The following COL21A1 variants were observed in gnomAD, a reference collection of about 807,000 sequenced individuals.
COL21A1 encodes collagen type XXI alpha 1 chain, also known as collagen alpha-1(XXI) chain.
A neutral mutation model predicts 137.9 loss-of-function variants in COL21A1; 149 were observed. The observed-to-expected ratio is 1.08, with a 90% CI of 0.95 to 1.24. The LOEUF is 1.24. Ranked by LOEUF, COL21A1 falls within the 50% of genes most tolerant of loss-of-function variation. COL21A1 has a pLI of 0.00. For synonymous variants in COL21A1, 456 were observed against 391.5 expected (o/e 1.16, Z -1.95); for missense variants, 1,167 against 1,158.4 (o/e 1.01, Z -0.11).
At chr6:56,251,205 C>G (rs1443980972), upstream of COL21A1, among the ~76,000 whole-genome samples, 1 of 152,192 alleles carries the variant, frequency 6.6e-6, no homozygotes, top group East Asian at 1.9e-4. Context: ...CTCCTCAATT[C>G]CCTGCTAAGG....
At chr6:56,095,827 T>C (rs896999379) in intron 17 of COL21A1, among the ~76,000 whole-genome samples, 1 of 152,176 alleles carries the variant, frequency 6.6e-6, no homozygotes, top group African/African-American at 2.4e-5. Flanking sequence ...ATGTGAATTA[T>C]ATCTCATAAT....
intron 7 of COL21A1, among the ~76,000 whole-genome samples, 161 bp from the exon 8 acceptor site, chr6:56,164,983 T>A (rs748535132): frequency 1.3e-5 from 2 of 152,204 alleles, no homozygotes; most frequent in South Asian, 4.1e-4. Context: ...AAAAGTCACC[T>A]ATCTATACAT....
chr6:56,223,874 A>T (rs1039259221), intron 1 of COL21A1, among the ~76,000 whole-genome samples: 5 of 151,978 alleles, frequency 3.3e-5, no homozygotes, highest in African/African-American at 1.2e-4. Context: ...TATTTTTTTA[A>T]ACTGTAAAGT....
At chr6:56,204,929 A>C (rs1222302527) in intron 1 of COL21A1, among the ~76,000 whole-genome samples, 2 of 152,222 alleles carry the variant, frequency 1.3e-5, no homozygotes, top group Non-Finnish European at 2.9e-5. Context: ...AATGGAAAGG[A>C]ATAGTATCAA....
At chr6:56,214,360 GA>G (rs1780356973) in intron 1 of COL21A1, among the ~76,000 whole-genome samples, 2 of 152,092 alleles carry the variant, frequency 1.3e-5, no homozygotes, top group African/African-American at 4.8e-5. Context: ...CTAAATATGT[GA>G]AAAGCATCTC....
intron 1 of COL21A1, among the ~76,000 whole-genome samples, chr6:56,375,965 G>A (rs1012427315): frequency 4.6e-5 from 7 of 152,184 alleles, no homozygotes; most frequent in Admixed American, 2.0e-4. Context: ...CATGTTGGAA[G>A]TAAATAAAAC....
chr6:56,107,248 C>T (rs1771022464), intron 16 of COL21A1, among the ~76,000 whole-genome samples: 1 of 151,942 alleles, frequency 6.6e-6, no homozygotes, highest in African/African-American at 2.4e-5. Flanking sequence ...AAATTATAAA[C>T]GTCAATGAGG....
intron 12 of COL21A1, among the ~76,000 whole-genome samples, chr6:56,136,930 G>C (rs1165358543): frequency 6.6e-6 from 1 of 152,014 alleles, no homozygotes; most frequent in East Asian, 1.9e-4. Flanking sequence ...TCCCTCCCCT[G>C]CCTATCTTCT....
chr6:56,082,943 TTA>T (rs1213086552), intron 17 of COL21A1, among the ~76,000 whole-genome samples: 11 of 152,040 alleles, frequency 7.2e-5, no homozygotes, highest in Admixed American at 1.3e-4. Context: ...ATTGTGAATT[TTA>T]TGTTTATATA....
chr6:56,294,302 T>C (rs964035096), intron 1 of COL21A1, among the ~76,000 whole-genome samples: 1 of 152,110 alleles, frequency 6.6e-6, no homozygotes, highest in African/African-American at 2.4e-5. Context: ...ATACATTCCA[T>C]AGATTAAAAA....
intron 2 of COL21A1, among the ~76,000 whole-genome samples, chr6:56,181,487 G>T (rs566973565): frequency 6.6e-6 from 1 of 151,948 alleles, no homozygotes; most frequent in South Asian, 2.1e-4. Context: ...GAGACTCATT[G>T]TTGTCTGAAG....
intron 1 of COL21A1, among the ~76,000 whole-genome samples, chr6:56,286,149 T>C (rs1763907838): frequency 6.6e-6 from 1 of 152,172 alleles, no homozygotes; most frequent in South Asian, 2.1e-4. Context: ...ATACAGTTTA[T>C]GCAAGGTTTA....
intron 10 of COL21A1, among the ~76,000 whole-genome samples, chr6:56,142,643 G>T (rs147492262): frequency 6.6e-6 from 1 of 152,234 alleles, no homozygotes; most frequent in East Asian, 1.9e-4. Context: ...ACTATTTATT[G>T]TTGGTTTAGC....
At chr6:56,233,025 A>G (rs1781677312) in intron 1 of COL21A1, among the ~76,000 whole-genome samples, 1 of 151,782 alleles carries the variant, frequency 6.6e-6, no homozygotes, top group Admixed American at 6.6e-5. Context: ...TGCCTTTCAG[A>G]GAAGGATATA....
chr6:56,371,564 C>T (rs1019265055), intron 1 of COL21A1, among the ~76,000 whole-genome samples: 5 of 152,170 alleles, frequency 3.3e-5, no homozygotes, highest in Admixed American at 1.3e-4. Context: ...CCTGGGTAGA[C>T]TGGAACTTCT....
intron 10 of COL21A1, among the ~76,000 whole-genome samples, chr6:56,152,190 A>G (rs542882391): frequency 6.6e-6 from 1 of 152,224 alleles, no homozygotes; most frequent in Admixed American, 6.5e-5. Context: ...TCCAGCTTCT[A>G]GAGGCTGCCA....
intron 12 of COL21A1, among the ~76,000 whole-genome samples, chr6:56,136,405 T>A (rs979834986): frequency 6.6e-6 from 1 of 152,176 alleles, no homozygotes; most frequent in Admixed American, 6.5e-5. Context: ...CACTCTTGGG[T>A]GCTCAAAGAA....
At chr6:56,110,989 T>C (rs1035086571) in intron 16 of COL21A1, among the ~76,000 whole-genome samples, 36 of 152,104 alleles carry the variant, frequency 2.4e-4, no homozygotes, top group Admixed American at 7.2e-4. Context: ...ATTTGGTGAC[T>C]TGCTTCCAAA....
intron 1 of COL21A1, among the ~76,000 whole-genome samples, chr6:56,303,392 C>T (rs2152337824): frequency 6.6e-6 from 1 of 151,524 alleles, no homozygotes; most frequent in Admixed American, 6.6e-5. Context: ...TTGTTTGTAT[C>T]CTCTTTTATT....
Sources: gnomAD v4.1 joint callset for allele counts (sites outside exome capture counted in the v4.1 genomes callset) on GRCh38, gnomAD v4.1.1 for gene constraint, MANE v1.5 for transcripts, NCBI Gene and HGNC (gene_info 2026-07-23, HGNC 2026-07-21) for gene names.